The following ASXL3 variants were observed in gnomAD, a reference collection of about 807,000 sequenced individuals.
ASXL3 encodes the protein putative Polycomb group protein ASXL3.
Under a neutral mutation model 170.6 loss-of-function variants are expected in ASXL3, and 34 were observed. The ratio of observed to expected loss-of-function variants is 0.20; its 90% CI spans 0.15 to 0.27. The LOEUF is 0.27. Ranked by LOEUF, ASXL3 falls within the 10% of genes least tolerant of loss-of-function variation. The pLI is 1.00. For synonymous variants in ASXL3, 1,002 were observed against 989.1 expected, an observed-to-expected ratio of 1.01 and a Z score of -0.24; for missense variants, 2,592 against 2,695.3, an observed-to-expected ratio of 0.96 and a Z score of 0.85.
chr18:33,644,952 G>A lies in ASXL3; in HGVS notation c.196G>A (p.Asp66Asn). The change falls in exon 3 of 12, where the codon GAT (aspartate) becomes AAT (asparagine). Residue 66 changes from aspartate to asparagine, a missense_variant. Transcript: ENST00000269197. Reference sequence around the variant, plus strand: ...GCTTCACACTAACACTCGAATAGGGGATGGAACATTCTTCAAAATCCCTGG... The same window carrying A: ...GCTTCACACTAACACTCGAATAGGGAATGGAACATTCTTCAAAATCCCTGG... ...AMLHTNTRIGDGTFFKIPGKS... is the reference protein window; with the variant it reads ...AMLHTNTRIGNGTFFKIPGKS... The A allele has an allele frequency of 6.3e-7, 1 of 1,583,302 alleles. No homozygotes were observed. Among genetic ancestry groups the A allele is most frequent in the Non-Finnish European group, 8.6e-7 (1 of 1,163,164 alleles).
chr18:33,594,485 G>T (rs1179968813), intron 1 of ASXL3, among the ~76,000 whole-genome samples: 1 of 152,130 alleles, frequency 6.6e-6, no homozygotes, highest in Non-Finnish European at 1.5e-5. Context: ...TCTTTTGTTG[G>T]CAAAGGCAAG....
At position 33,740,093 on chromosome 18, in the gene ASXL3, C is replaced by T. The variant is rs778216229; in HGVS notation, c.2689C>T (p.Leu897Phe). 5.6e-6 allele frequency: 9 copies of T among 1,613,824 alleles called. No individual in the cohort carries two copies. The African/African-American group carries it at 6.7e-5, about 12-fold the overall frequency. The change falls in exon 11 of 12, where the codon CTT becomes TTT. Residue 897 changes from leucine to phenylalanine, a missense_variant. By Grantham distance (22) the Leu-to-Phe change is conservative. This residue lies in a region of ASXL3 where 2,246 missense variants were observed against 2,219.6 expected (regional missense o/e 1.01). Coordinates refer to ENST00000269197, the MANE Select transcript of ASXL3 (RefSeq NM_030632.3). Reference sequence around the variant, plus strand: ...AGGGACAGATAATAAGGGAAATGAGCTTCCATCTGCTAAATTACAGGACAA... The same window carrying T: ...AGGGACAGATAATAAGGGAAATGAGTTTCCATCTGCTAAATTACAGGACAA... ...SEGTDNKGNE[L>F]PSAKLQDKQY...
chr18:33,655,247 A>AT (rs1211335090), intron 4 of ASXL3, among the ~76,000 whole-genome samples: 29 of 152,032 alleles, frequency 1.9e-4, no homozygotes, highest in Admixed American at 1.2e-3. Context: ...TTTATTTTGC[A>AT]TTTTTTCTGA....
intron 2 of ASXL3, among the ~76,000 whole-genome samples, chr18:33,613,550 T>C (rs1281352969): frequency 2.0e-5 from 3 of 152,130 alleles, no homozygotes; most frequent in African/African-American, 7.2e-5. Context: ...CATATAAAAG[T>C]CGTATTTGTA....
chr18:33,730,834 C>A (rs1009729824), intron 8 of ASXL3, among the ~76,000 whole-genome samples: 1 of 152,124 alleles, frequency 6.6e-6, no homozygotes, highest in African/African-American at 2.4e-5. Flanking sequence ...AATAATTGAG[C>A]ATGAGTAAAC....
chr18:33,721,887 G>A (rs2067266679), intron 8 of ASXL3, among the ~76,000 whole-genome samples: 1 of 151,934 alleles, frequency 6.6e-6, no homozygotes, highest in African/African-American at 2.4e-5. Context: ...TGTTCATTGT[G>A]TGTGTCTGTG....
chr18:33,638,404 T>C (rs940407948), intron 2 of ASXL3, among the ~76,000 whole-genome samples: 10 of 152,090 alleles, frequency 6.6e-5, no homozygotes, highest in African/African-American at 2.4e-4. Context: ...TTTGTTTTCA[T>C]TGGTGACATT....
At chr18:33,667,162 G>A (rs1369923190) in intron 5 of ASXL3, among the ~76,000 whole-genome samples, 1 of 152,140 alleles carries the variant, frequency 6.6e-6, no homozygotes, top group Non-Finnish European at 1.5e-5. Flanking sequence ...CTAGCAGTTG[G>A]CCTTCTGCCT....
chr18:33,613,695 G>T (rs1241456326), intron 2 of ASXL3, among the ~76,000 whole-genome samples: 3 of 152,054 alleles, frequency 2.0e-5, no homozygotes, highest in Admixed American at 6.6e-5. Context: ...AAGGAAAGAG[G>T]ATTACTTGAG....
intron 8 of ASXL3, among the ~76,000 whole-genome samples, chr18:33,699,661 G>A (rs1455884892): frequency 3.3e-5 from 5 of 152,000 alleles, no homozygotes; most frequent in Non-Finnish European, 7.4e-5. Context: ...ACTCTTTCAT[G>A]TTCCCCTACA....
intron 6 of ASXL3, among the ~76,000 whole-genome samples, chr18:33,671,054 G>A (rs1275989456): frequency 6.6e-6 from 1 of 152,118 alleles, no homozygotes; most frequent in Non-Finnish European, 1.5e-5. Flanking sequence ...ATGTGTAGGC[G>A]AATTTTGTTG....
In ASXL3 at chr18:33,591,381, C is replaced by T. The variant is rs562867192; in HGVS notation, c.54+12696C>T. Among the ~76,000 whole-genome samples, 8 of 152,250 alleles carry T rather than the reference C, an allele frequency of 5.3e-5. No individual in the cohort carries two copies. The East Asian group carries it at 1.5e-3, about 29-fold the overall frequency. On this transcript the variant is annotated intron_variant, in intron 1 of 11. Transcript: ENST00000269197. ...GAGTTGCTACTATTTAAAGAGAATA[C>T]ACATTTAGTCTGGATCCACCAGGAT...
At chr18:33,648,792 G>A (rs191912084) in intron 4 of ASXL3, among the ~76,000 whole-genome samples, 11 of 152,120 alleles carry the variant, frequency 7.2e-5, no homozygotes, top group East Asian at 5.8e-4. Flanking sequence ...AAATGGACAC[G>A]GTAAGATTTT....
chr18:33,624,001 A>T (rs1290377026), intron 2 of ASXL3, among the ~76,000 whole-genome samples: 1 of 151,872 alleles, frequency 6.6e-6, no homozygotes, highest in African/African-American at 2.4e-5. Flanking sequence ...TGTACAAAAT[A>T]AAAAAAACCA....
intron 8 of ASXL3, among the ~76,000 whole-genome samples, chr18:33,718,602 A>G (rs1403716454): frequency 6.6e-6 from 1 of 152,076 alleles, no homozygotes; most frequent in Admixed American, 6.6e-5. Flanking sequence ...TTCCTAGCTC[A>G]TGCAAGTTGC....
chr18:33,630,133 A>G (rs1305405320), intron 2 of ASXL3, among the ~76,000 whole-genome samples: 2 of 151,952 alleles, frequency 1.3e-5, no homozygotes, highest in African/African-American at 4.8e-5. Context: ...GATTCTTAAG[A>G]TGTATTTTTA....
intron 7 of ASXL3, among the ~76,000 whole-genome samples, chr18:33,681,321 T>A (rs1167139945): frequency 2.0e-5 from 3 of 152,204 alleles, no homozygotes; most frequent in Non-Finnish European, 4.4e-5. Flanking sequence ...ATTTCTTCTT[T>A]GATATAATTG....
At chr18:33,658,713 A>G (rs1041685286) in intron 4 of ASXL3, among the ~76,000 whole-genome samples, 2 of 152,156 alleles carry the variant, frequency 1.3e-5, no homozygotes, top group African/African-American at 2.4e-5. Flanking sequence ...ATCCAGAGAA[A>G]TAAAGTAAGG....
chr18:33,710,718 G>A (rs2067044732), intron 8 of ASXL3, among the ~76,000 whole-genome samples: 1 of 151,960 alleles, frequency 6.6e-6, no homozygotes, highest in African/African-American at 2.4e-5. Flanking sequence ...TATTGGTGAA[G>A]GTTAACCGTT....
Sources: gnomAD v4.1 joint callset for allele counts (sites outside exome capture counted in the v4.1 genomes callset) on GRCh38, gnomAD v4.1.1 for gene constraint, gnomAD v4.1.1 regional missense constraint, MANE v1.5 for transcripts, NCBI Gene and HGNC (gene_info 2026-07-23, HGNC 2026-07-21) for gene names.